The following EPAS1 variants were observed in gnomAD, a reference collection of about 807,000 sequenced individuals.
EPAS1 encodes endothelial PAS domain-containing protein 1.
A neutral mutation model predicts 87.9 loss-of-function variants in EPAS1; 23 were observed. That is an observed-to-expected ratio of 0.26 (90% CI 0.19 to 0.37). The LOEUF (loss-of-function observed/expected upper bound fraction) is 0.37, where lower values mean the gene tolerates loss of function less well. Ranked by LOEUF, EPAS1 falls within the 10% of genes least tolerant of loss-of-function variation. EPAS1 has a pLI of 1.00. For synonymous variants in EPAS1, 508 were observed against 444.3 expected (o/e 1.14, Z -1.80); for missense variants, 1,138 against 1,120.7 (o/e 1.02, Z -0.22).
intron 11 of EPAS1, chr2:46,379,979 A>T (rs1684849276): frequency 3.3e-6 from 2 of 607,856 alleles, no homozygotes; most frequent in Non-Finnish European, 5.9e-6. Flanking sequence ...GGAGAGGAGA[A>T]CATTTCTCAA....
At chr2:46,326,082 G>A (rs186311531) in intron 1 of EPAS1, among the ~76,000 whole-genome samples, 6 of 152,222 alleles carry the variant, frequency 3.9e-5, no homozygotes, top group Admixed American at 2.0e-4. Context: ...ATTCTGTGCT[G>A]CTGGGATTGG....
At chr2:46,327,449 C>CT (rs928526875) in intron 1 of EPAS1, among the ~76,000 whole-genome samples, 4 of 151,976 alleles carry the variant, frequency 2.6e-5, no homozygotes, top group Admixed American at 6.6e-5. Context: ...TGATAGTGAC[C>CT]TATCTAATGT....
intron 6 of EPAS1, among the ~76,000 whole-genome samples, chr2:46,364,512 A>G (rs1004533384): frequency 6.6e-6 from 1 of 152,234 alleles, no homozygotes; most frequent in Non-Finnish European, 1.5e-5. Flanking sequence ...CCTATTCTGA[A>G]ACATCTGAAA....
At chr2:46,350,824 G>C (rs1244721251) in intron 2 of EPAS1, among the ~76,000 whole-genome samples, 1 of 152,238 alleles carries the variant, frequency 6.6e-6, no homozygotes, top group African/African-American at 2.4e-5. Flanking sequence ...CTAAAGAGAA[G>C]TGTCAGTTGC....
chr2:46,371,018 C>T lies in EPAS1; in HGVS notation c.886+1085C>T, dbSNP rs1158321891. Among the ~76,000 whole-genome samples, 2 of 152,148 alleles carry T rather than the reference C, an allele frequency of 1.3e-5. No individual in the cohort carries two copies. Among genetic ancestry groups the T allele is most frequent in the African/African-American group, 4.8e-5 (2 of 41,430 alleles). ...TTAACCTCAGTATCTAGCATAGCGT[C>T]TGGTACAGAACAGGCACTAAATGCA... On this transcript the variant is annotated intron_variant, in intron 7 of 15. Transcript: ENST00000263734. This position sits in a 1 kb window ranked among gnomAD's most constrained non-coding sequence, Gnocchi z 4.3.
At chr2:46,326,373 CG>C (rs1460294030) in intron 1 of EPAS1, among the ~76,000 whole-genome samples, 15 of 152,078 alleles carry the variant, frequency 9.9e-5, no homozygotes, top group Non-Finnish European at 1.5e-4. Context: ...TGAAAGAAAA[CG>C]GGGGTAAAAA....
rs779260340 is a variant in EPAS1, at chr2:46,298,994, G to A, written c.26+1057G>A. Among the ~76,000 whole-genome samples, 12 of 152,364 alleles carry A rather than the reference G, an allele frequency of 7.9e-5. No homozygotes were observed. In the South Asian group the frequency reaches 1.9e-3, roughly 24 times the overall value. On this transcript the variant is annotated intron_variant, in intron 1 of 15. Transcript: ENST00000263734. Reference sequence around the variant, plus strand: ...GGCGAGGCTATGCTGCGGGAAGCTGGAATCCAACGCGCGGCCGGCTGAACC... The same window carrying A: ...GGCGAGGCTATGCTGCGGGAAGCTGAAATCCAACGCGCGGCCGGCTGAACC...
intron 2 of EPAS1, among the ~76,000 whole-genome samples, chr2:46,355,456 C>A (rs1684250888): frequency 6.6e-6 from 1 of 152,140 alleles, no homozygotes; most frequent in South Asian, 2.1e-4. Context: ...AATCTTTATA[C>A]CTTTGGACAA....
In EPAS1 at chr2:46,376,768, G is replaced by T; in HGVS notation, c.1249+15G>T. 6.2e-7 allele frequency: 1 copy of T among 1,611,594 alleles called. No homozygotes were observed. On this transcript the variant is annotated intron_variant, in intron 9 of 15. Transcript: ENST00000263734. ...TCTGGATTTCGGTGGGTGCTTCTTA[G>T]CTAAGCCAGGCCCCTGGAACCCCGT...
chr2:46,383,247 G>T (rs1382961579), intron 15 of EPAS1, among the ~76,000 whole-genome samples: 1 of 152,198 alleles, frequency 6.6e-6, no homozygotes, highest in Admixed American at 6.5e-5. Flanking sequence ...GTTCAGGCAG[G>T]TGCTGAGAAC....
In EPAS1 at chr2:46,386,371, G is replaced by T. The variant is rs1685025498; in HGVS notation, c.*1711G>T. 6.6e-6 allele frequency: 1 copy of T among 152,616 alleles called. No homozygotes were observed. The highest frequency in any genetic ancestry group is 1.9e-4 in the East Asian group (1 of 5,202). The allele number at this position is 152,616 out of a possible 1,614,324, so 9.5% of individuals were successfully genotyped here. On this transcript the variant is annotated 3_prime_UTR_variant, in exon 16 of 16. Transcript: ENST00000263734. ...TTTAAGTTCTATGAGAAATTCCTTA[G>T]TCATGGTGTTGCGTAAATCATATTT...
Position 46,367,538 on chromosome 2 carries a change from C to G in EPAS1, c.780-2289C>G, listed in dbSNP as rs371043149. Among the ~76,000 whole-genome samples the G allele has an allele frequency of 2.7e-3, 404 of 152,342 alleles. 4 individuals carry two copies. The highest frequency in any genetic ancestry group is 9.2e-3 in the African/African-American group (384 of 41,592). ...TCTGTCTCCTTGTTCCCCCCAGTCT[C>G]CACCTTTGCCAAGGTGTACTTGGGC... is the stretch of plus-strand genomic sequence containing the variant. On this transcript the variant is annotated intron_variant, in intron 6 of 15. Transcript: ENST00000263734.
chr2:46,378,132 G>A (rs1684799976), intron 10 of EPAS1, 45 bp downstream of exon 10: 1 of 1,553,456 alleles, frequency 6.4e-7, no homozygotes, highest in African/African-American at 1.4e-5. Context: ...GGCTCCGTAT[G>A]TATGACTGCT....
At chr2:46,308,100 C>T (rs1417153144) in intron 1 of EPAS1, among the ~76,000 whole-genome samples, 1 of 152,168 alleles carries the variant, frequency 6.6e-6, no homozygotes, top group African/African-American at 2.4e-5. Flanking sequence ...CACAAGCCTC[C>T]TCCCACAGCC....
intron 1 of EPAS1, among the ~76,000 whole-genome samples, chr2:46,308,031 C>T (rs1263851672): frequency 6.6e-6 from 1 of 152,144 alleles, no homozygotes; most frequent in Admixed American, 6.5e-5. Context: ...TGCAAGGGAC[C>T]CCACCTCACC....
At chr2:46,301,988 G>T (rs1375082753) in intron 1 of EPAS1, among the ~76,000 whole-genome samples, 1 of 152,104 alleles carries the variant, frequency 6.6e-6, no homozygotes, top group Non-Finnish European at 1.5e-5. Flanking sequence ...GGAGCAGATT[G>T]CTTTTTGAGG....
At chr2:46,334,193 T>G (rs1683743964) in intron 1 of EPAS1, among the ~76,000 whole-genome samples, 1 of 152,192 alleles carries the variant, frequency 6.6e-6, no homozygotes, top group Non-Finnish European at 1.5e-5. Context: ...GCATGGAGGT[T>G]GGGTTCTGGC....
chr2:46,308,469 G>GGGGT (rs1683151308), intron 1 of EPAS1, among the ~76,000 whole-genome samples: 1 of 136,274 alleles, frequency 7.3e-6, no homozygotes, highest in Non-Finnish European at 1.6e-5. Flanking sequence ...TTGGGGGGGG[G>GGGGT]GGCTCTGAAA....
At chr2:46,357,231 G>C (rs949900111) in intron 4 of EPAS1, among the ~76,000 whole-genome samples, 3 of 152,178 alleles carry the variant, frequency 2.0e-5, no homozygotes, top group Non-Finnish European at 4.4e-5. Flanking sequence ...TATCTCCCAG[G>C]GTTCTGTGGG....
Sources: allele counts gnomAD v4.1 joint callset (sites outside exome capture counted in the v4.1 genomes callset), GRCh38; gene constraint gnomAD v4.1.1; non-coding constraint Gnocchi (gnomAD v3.1); transcripts MANE v1.5; gene names NCBI Gene and HGNC (gene_info 2026-07-23, HGNC 2026-07-21).